ASXL2: variants seen among roughly 807,000 people sequenced by gnomAD.
The protein encoded by ASXL2 is ASXL transcriptional regulator 2.
A neutral mutation model predicts 122.0 loss-of-function variants in ASXL2; 23 were observed. That is an observed-to-expected ratio of 0.19 (90% CI 0.14 to 0.27). The LOEUF is 0.27. ASXL2 is among the 10% of genes least tolerant of loss of function. The probability of loss-of-function intolerance (pLI) is 1.00; values close to 1 mark genes in which losing one functional copy is unlikely to be tolerated. For missense variants in ASXL2, 1,518 were observed against 1,713.8 expected, an observed-to-expected ratio of 0.89 and a Z score of 2.02; for synonymous variants, 650 against 637.0, an observed-to-expected ratio of 1.02 and a Z score of -0.31.
intron 8 of ASXL2, among the ~76,000 whole-genome samples, chr2:25,761,140 C>T (rs1391532950): frequency 6.6e-6 from 1 of 152,036 alleles, no homozygotes; most frequent in Non-Finnish European, 1.5e-5. Flanking sequence ...CTAACAAATA[C>T]CTGACTGAAG....
chr2:25,857,018 T>G (rs978374354), intron 1 of ASXL2: 2 of 235,106 alleles, frequency 8.5e-6, no homozygotes, highest in Non-Finnish European at 1.6e-5. Context: ...ATCACATGTC[T>G]AATTTTTTCA....
chr2:25,752,027 C>T (rs1489897900), intron 11 of ASXL2, among the ~76,000 whole-genome samples: 1 of 152,130 alleles, frequency 6.6e-6, no homozygotes, highest in South Asian at 2.1e-4. Context: ...CCACCTCAGC[C>T]TCCCAAAGCA....
chr2:25,739,685 C>T lies in ASXL2; in HGVS notation c.*2344G>A, dbSNP rs970549442. 4 of 202,258 alleles carry T rather than the reference C, an allele frequency of 2.0e-5. No individual in the cohort carries two copies. The highest frequency in any genetic ancestry group is 1.6e-3 in the Middle Eastern group (1 of 612). 12.5% of individuals were successfully genotyped at this position (202,258 alleles called of 1,614,324 possible). On this transcript the variant is annotated 3_prime_UTR_variant, in exon 13 of 13. Transcript: ENST00000435504. Reference sequence around the variant, plus strand: ...GGCACAATATGGTTTGCTCTCTAAACGGACTTAAAAATCCCTGATACCTTT... The same window carrying T: ...GGCACAATATGGTTTGCTCTCTAAATGGACTTAAAAATCCCTGATACCTTT...
intron 4 of ASXL2, 50 bp downstream of exon 4, chr2:25,806,178 TG>T: frequency 8.7e-7 from 1 of 1,150,576 alleles, no homozygotes; most frequent in Non-Finnish European, 1.3e-6. Flanking sequence ...TATTTATATG[TG>T]GTCACTTCCT....
At chr2:25,794,436 C>T (rs1034704432) in intron 5 of ASXL2, among the ~76,000 whole-genome samples, 1 of 152,122 alleles carries the variant, frequency 6.6e-6, no homozygotes, top group South Asian at 2.1e-4. Context: ...TAGTGATTTT[C>T]GTATTCATTT....
Position 25,749,823 on chromosome 2 carries a change from G to A in ASXL2, c.1733C>T (p.Pro578Leu), listed in dbSNP as rs2088008516. The change falls in exon 12 of 13, where the codon CCT becomes CTT. Residue 578 changes from proline (P) to leucine (L), a missense_variant. By Grantham distance (98) the Pro-to-Leu change is moderately conservative (BLOSUM62 -3). Coordinates refer to ENST00000435504, the MANE Select transcript of ASXL2 (RefSeq NM_018263.6). The stretch of plus-strand genomic sequence containing the variant: ...ACGTGGCCTCTTCTCCCAGCTCACA[G>A]GGGCCTCTTCTTGGGTGAGGGAAGA... ...RKSSLTQEEAPVSWEKRPRVT... is the reference protein window; with the variant it reads ...RKSSLTQEEALVSWEKRPRVT... The A allele has an allele frequency of 6.2e-7, 1 of 1,610,632 alleles. No homozygotes were observed. Among genetic ancestry groups the A allele is most frequent in the Non-Finnish European group, 8.5e-7 (1 of 1,179,012 alleles).
intron 1 of ASXL2, among the ~76,000 whole-genome samples, chr2:25,858,733 A>T (rs866799654): frequency 6.6e-6 from 1 of 151,814 alleles, no homozygotes; most frequent in African/African-American, 2.4e-5. Context: ...AAAAAAAAAA[A>T]TTTAAAGCCT....
chr2:25,822,653 G>T (rs1204055070), intron 3 of ASXL2: 1 of 636,740 alleles, frequency 1.6e-6, no homozygotes, highest in African/African-American at 1.8e-5. Flanking sequence ...TGATCCTAAT[G>T]ATTCCAAGCA....
At chr2:25,767,521 T>C in intron 8 of ASXL2, 62 bp downstream of exon 8, 1 of 1,555,938 alleles carries the variant, frequency 6.4e-7, no homozygotes, top group Non-Finnish European at 8.7e-7. Flanking sequence ...AGCTGATGAA[T>C]TTCAAACATG....
intron 3 of ASXL2, among the ~76,000 whole-genome samples, chr2:25,808,097 G>GA (rs200268327): frequency 3.3e-5 from 5 of 150,776 alleles, no homozygotes; most frequent in African/African-American, 2.4e-5. Flanking sequence ...ATATGGGGGG[G>GA]AAAAAAAACA....
At chr2:25,813,262 C>T (rs1444584492) in intron 3 of ASXL2, among the ~76,000 whole-genome samples, 1 of 152,154 alleles carries the variant, frequency 6.6e-6, no homozygotes, top group South Asian at 2.1e-4. Flanking sequence ...GTGACCAGTG[C>T]TATTAATATA....
At chr2:25,856,491 T>C in intron 1 of ASXL2, 5 of 1,055,472 alleles carry the variant, frequency 4.7e-6, no homozygotes, top group Non-Finnish European at 7.2e-6. Context: ...GGAACTTGTA[T>C]CCAGCAAAGA....
At chr2:25,860,511 C>T (rs547531181) in intron 1 of ASXL2, among the ~76,000 whole-genome samples, 2 of 150,992 alleles carry the variant, frequency 1.3e-5, no homozygotes, top group South Asian at 4.2e-4. Context: ...TCAGGAGTTC[C>T]GGACCAGCCT....
chr2:25,866,316 A>C (rs944227895), intron 1 of ASXL2, among the ~76,000 whole-genome samples: 2 of 151,884 alleles, frequency 1.3e-5, no homozygotes, highest in Non-Finnish European at 2.9e-5. Flanking sequence ...TTTTTAGTAG[A>C]GACAAGGTTT....
intron 1 of ASXL2, among the ~76,000 whole-genome samples, chr2:25,863,200 C>T (rs2149200768): frequency 6.6e-6 from 1 of 150,902 alleles, no homozygotes; most frequent in South Asian, 2.1e-4. Context: ...CGTGGTGGTA[C>T]GCCCCTGTAG....
chr2:25,863,974 C>A (rs1243063170), intron 1 of ASXL2, among the ~76,000 whole-genome samples: 1 of 150,522 alleles, frequency 6.6e-6, no homozygotes, highest in African/African-American at 2.5e-5. Flanking sequence ...CCACTGCACG[C>A]CAGCCTGGGT....
chr2:25,827,681 C>A (rs538687666), intron 3 of ASXL2, among the ~76,000 whole-genome samples: 2 of 152,054 alleles, frequency 1.3e-5, no homozygotes, highest in Non-Finnish European at 2.9e-5. Context: ...CAAAATACAC[C>A]ATCAAACAAA....
rs182487740 is a variant in ASXL2 at position 25,741,385 on chromosome 2, T to G, written c.*644A>C. The G allele has an allele frequency of 7.9e-4, 178 of 224,582 alleles. 1 individual carries two copies. The East Asian group carries it at 9.9e-3, about 13-fold the overall frequency. The allele number at this position is 224,582 out of a possible 1,614,324, so 13.9% of individuals were successfully genotyped here. A position where few individuals can be genotyped will look rare whatever the true frequency, so the allele number is the denominator to read the frequency against. Reference sequence around the variant, plus strand: ...TACCAGTAACTAGTAACTAGTACAGTAGAAGCCAAGAACCAAGTCAGGGCT... The same window carrying G: ...TACCAGTAACTAGTAACTAGTACAGGAGAAGCCAAGAACCAAGTCAGGGCT... On this transcript the variant is annotated 3_prime_UTR_variant, in exon 13 of 13. Coordinates refer to ENST00000435504, the MANE Select transcript of ASXL2 (RefSeq NM_018263.6).
At chr2:25,815,540 G>A (rs896885864) in intron 3 of ASXL2, among the ~76,000 whole-genome samples, 2 of 152,096 alleles carry the variant, frequency 1.3e-5, no homozygotes, top group Non-Finnish European at 2.9e-5. Flanking sequence ...GAAAAAATCT[G>A]ACTCAACTGT....
Sources: gnomAD v4.1 joint callset for allele counts (sites outside exome capture counted in the v4.1 genomes callset) on GRCh38, gnomAD v4.1.1 for gene constraint, MANE v1.5 for transcripts, NCBI Gene and HGNC (gene_info 2026-07-23, HGNC 2026-07-21) for gene names.